SUMF1: variants seen among roughly 807,000 people sequenced by gnomAD.
The protein encoded by SUMF1 is sulfatase modifying factor 1.
Under a neutral mutation model 47.6 loss-of-function variants are expected in SUMF1, and 48 were observed. The ratio of observed to expected loss-of-function variants is 1.01; its 90% CI spans 0.80 to 1.28. The LOEUF (loss-of-function observed/expected upper bound fraction) is 1.28. Ranked by LOEUF, SUMF1 falls within the 50% of genes most tolerant of loss-of-function variation. SUMF1 has a pLI of 0.00. For missense variants in SUMF1, 571 were observed against 485.4 expected (o/e 1.18, Z -1.66); for synonymous variants, 230 against 192.1 (o/e 1.20, Z -1.63).
At chr3:4,274,195 T>A (rs1697367593) in intron 8 of SUMF1, among the ~76,000 whole-genome samples, 1 of 152,144 alleles carries the variant, frequency 6.6e-6, no homozygotes, top group African/African-American at 2.4e-5. Flanking sequence ...ACAAAACTAT[T>A]CTTCCTCCCT....
At chr3:4,367,761 G>A (rs1700027988) in intron 8 of SUMF1, among the ~76,000 whole-genome samples, 1 of 152,032 alleles carries the variant, frequency 6.6e-6, no homozygotes, top group South Asian at 2.1e-4. Flanking sequence ...AATAAATGGT[G>A]CTGGGAAACC....
At chr3:4,382,766 T>C (rs1167870881) in intron 7 of SUMF1, among the ~76,000 whole-genome samples, 4 of 152,174 alleles carry the variant, frequency 2.6e-5, no homozygotes, top group Admixed American at 6.5e-5. Context: ...TCATGTCCTT[T>C]GCAGGGACAT....
At chr3:4,145,857 T>G (rs1302370070) in intron 8 of SUMF1, among the ~76,000 whole-genome samples, 1 of 152,152 alleles carries the variant, frequency 6.6e-6, no homozygotes, top group East Asian at 1.9e-4. Flanking sequence ...GCCCCATTCA[T>G]CTCTTCCTTT....
chr3:4,387,012 G>C (rs1192657910), intron 7 of SUMF1, among the ~76,000 whole-genome samples: 1 of 151,834 alleles, frequency 6.6e-6, no homozygotes, highest in Non-Finnish European at 1.5e-5. Flanking sequence ...ATTTTGTTAA[G>C]GATTTTTGTG....
intron 8 of SUMF1, among the ~76,000 whole-genome samples, chr3:4,268,996 A>G (rs1421694322): frequency 6.6e-6 from 1 of 152,142 alleles, no homozygotes; most frequent in Non-Finnish European, 1.5e-5. Flanking sequence ...ATGGTCTTAA[A>G]CATATTTTTA....
At chr3:4,268,568 G>T (rs1575038112) in intron 8 of SUMF1, among the ~76,000 whole-genome samples, 1 of 129,896 alleles carries the variant, frequency 7.7e-6, no homozygotes, top group African/African-American at 3.0e-5. Flanking sequence ...AGCTTCTGTT[G>T]GCACAGGAAA....
intron 8 of SUMF1, among the ~76,000 whole-genome samples, chr3:4,224,407 T>C (rs1696131047): frequency 6.6e-6 from 1 of 152,080 alleles, no homozygotes; most frequent in East Asian, 1.9e-4. Flanking sequence ...TGGCAAGTTT[T>C]TGGCTCCCTA....
chr3:4,392,851 T>C (rs1188912689), intron 7 of SUMF1, among the ~76,000 whole-genome samples: 1 of 142,270 alleles, frequency 7.0e-6, no homozygotes, highest in East Asian at 2.0e-4. Context: ...TTCAATTCCA[T>C]TGAGGTCATA....
intron 8 of SUMF1, among the ~76,000 whole-genome samples, chr3:4,143,440 T>C (rs1843303): frequency 0.32 from 49,216 of 151,862 alleles, 8,412 homozygotes; most frequent in East Asian, 0.57. Flanking sequence ...GAAGGTCAGA[T>C]AGTAGGATTT....
chr3:4,363,937 T>C (rs1176322674), intron 8 of SUMF1, among the ~76,000 whole-genome samples: 2,443 of 144,812 alleles, frequency 0.017, 38 homozygotes, highest in Middle Eastern at 0.034. Flanking sequence ...GCATGAAGGG[T>C]TGTTGAATTG....
At chr3:4,293,564 G>C (rs763575763) in intron 8 of SUMF1, among the ~76,000 whole-genome samples, 1 of 152,132 alleles carries the variant, frequency 6.6e-6, no homozygotes, top group Non-Finnish European at 1.5e-5. Flanking sequence ...ATATGCAACA[G>C]ATTTCTATTA....
chr3:4,226,428 C>T (rs1201446303), intron 8 of SUMF1, among the ~76,000 whole-genome samples: 1 of 151,684 alleles, frequency 6.6e-6, no homozygotes, highest in Non-Finnish European at 1.5e-5. Flanking sequence ...CCCCACCATG[C>T]CCAGCTAATT....
intron 9 of SUMF1, among the ~76,000 whole-genome samples, chr3:4,060,466 G>T (rs1489685901): frequency 6.6e-6 from 1 of 152,150 alleles, no homozygotes; most frequent in Non-Finnish European, 1.5e-5. Flanking sequence ...ATGACCAAAT[G>T]TATTTTGAAA....
chr3:4,245,648 C>G (rs1057395336), intron 8 of SUMF1, among the ~76,000 whole-genome samples: 1 of 152,162 alleles, frequency 6.6e-6, no homozygotes, highest in African/African-American at 2.4e-5. Context: ...TATGAGGTGT[C>G]TGTCAGCCCC....
chr3:4,242,071 C>T (rs1427682569), intron 8 of SUMF1, among the ~76,000 whole-genome samples: 3 of 152,138 alleles, frequency 2.0e-5, no homozygotes, highest in Admixed American at 6.6e-5. Flanking sequence ...TCCTTGCCCT[C>T]TGTTTGCCTG....
In SUMF1 at chr3:4,200,110, T is replaced by C. The variant is rs1385000839; in HGVS notation, c.1015-131365A>G. Among the ~76,000 whole-genome samples, 45 of 152,054 alleles carry C rather than the reference T, an allele frequency of 3.0e-4. 1 individual carries two copies. Among genetic ancestry groups the C allele is most frequent in the Admixed American group, 2.9e-3 (44 of 15,260 alleles). The stretch of plus-strand genomic sequence containing the variant: ...TCTGGAACTGTTATACTTTGAGCTC[T>C]TACATTTAGATCTATGATCCACTTT... On this transcript the variant is annotated intron_variant and NMD_transcript_variant, in intron 8 of 12. Transcript: ENST00000448413.
chr3:4,362,004 G>T lies in SUMF1; in HGVS notation c.*140C>A, dbSNP rs189928088. On this transcript the variant is annotated 3_prime_UTR_variant, in exon 9 of 9. Transcript: ENST00000272902. ...GGTCAGCAATTTGGTCTCACAAGGCGGTTCCTTTGGCCATTGGGCAGGTAT... is the reference window on the plus strand; with the variant it reads ...GGTCAGCAATTTGGTCTCACAAGGCTGTTCCTTTGGCCATTGGGCAGGTAT... 8.0e-6 allele frequency: 6 copies of T among 747,928 alleles called. No homozygotes were observed. The highest frequency in any genetic ancestry group is 1.4e-5 in the Non-Finnish European group (6 of 435,726). The allele number at this position is 747,928 out of a possible 1,614,324, so 46.3% of individuals were successfully genotyped here. A position where few individuals can be genotyped will look rare whatever the true frequency, so the allele number is the denominator to read the frequency against.
intron 8 of SUMF1, chr3:4,303,590 C>T: frequency 7.3e-7 from 1 of 1,376,818 alleles, no homozygotes; most frequent in South Asian, 1.7e-5. Flanking sequence ...TCTCCTCAAG[C>T]CGCCTCGCTG....
At chr3:4,412,999 T>A (rs550943185) in intron 6 of SUMF1, among the ~76,000 whole-genome samples, 1 of 152,266 alleles carries the variant, frequency 6.6e-6, no homozygotes, top group African/African-American at 2.4e-5. Context: ...AGGTCCTATG[T>A]GTGCATCAAT....
Sources: allele counts gnomAD v4.1 joint callset (sites outside exome capture counted in the v4.1 genomes callset), GRCh38; gene constraint gnomAD v4.1.1; transcripts MANE v1.5; gene names NCBI Gene and HGNC (gene_info 2026-07-23, HGNC 2026-07-21).